Variants in CPQ observed in about 807,000 individuals in gnomAD.
CPQ encodes the protein carboxypeptidase Q.
CPQ carries 37 observed loss-of-function variants against 45.7 expected under a neutral mutation model. The observed-to-expected ratio is 0.81, with a 90% CI of 0.62 to 1.07. The LOEUF is 1.07. CPQ is among the 50% of genes least tolerant of loss of function. The pLI is 0.00. For synonymous variants in CPQ, 186 were observed against 205.8 expected, an observed-to-expected ratio of 0.90 and a Z score of 0.82; for missense variants, 537 against 572.9, an observed-to-expected ratio of 0.94 and a Z score of 0.64.
At chr8:97,114,892 C>T (rs1467570881) in intron 7 of CPQ, among the ~76,000 whole-genome samples, 1 of 152,130 alleles carries the variant, frequency 6.6e-6, no homozygotes, top group African/African-American at 2.4e-5. Context: ...TCCTAAAATC[C>T]ATCTTGTTTC....
intron 3 of CPQ, among the ~76,000 whole-genome samples, chr8:96,853,864 G>A (rs1052769519): frequency 6.6e-6 from 1 of 152,124 alleles, no homozygotes; most frequent in African/African-American, 2.4e-5. Flanking sequence ...CAAAACCAAT[G>A]ATGGTAACGC....
intron 1 of CPQ, among the ~76,000 whole-genome samples, chr8:96,719,410 G>T (rs971454758): frequency 2.0e-5 from 3 of 152,190 alleles, no homozygotes; most frequent in Non-Finnish European, 2.9e-5. Context: ...CGCCCACCCG[G>T]AACTCCAGCT....
intron 1 of CPQ, among the ~76,000 whole-genome samples, chr8:96,764,843 T>C (rs1258638995): frequency 6.6e-6 from 1 of 152,084 alleles, no homozygotes; most frequent in African/African-American, 2.4e-5. Flanking sequence ...CCAAGACAAA[T>C]TGAGAAAGGT....
intron 4 of CPQ, among the ~76,000 whole-genome samples, chr8:96,965,372 C>CTTT (rs5893403): frequency 1.2e-5 from 1 of 80,570 alleles, no homozygotes; most frequent in Non-Finnish European, 2.5e-5. Context: ...AATTTCTTTT[C>CTTT]TTTTTTTTTT....
At chr8:96,845,273 C>A (rs968483238) in intron 3 of CPQ, among the ~76,000 whole-genome samples, 1 of 152,142 alleles carries the variant, frequency 6.6e-6, no homozygotes, top group African/African-American at 2.4e-5. Context: ...ATCTAGTTTT[C>A]AGCATGTACT....
intron 7 of CPQ, among the ~76,000 whole-genome samples, chr8:97,108,981 T>C (rs904581325): frequency 3.3e-5 from 5 of 152,194 alleles, no homozygotes; most frequent in Admixed American, 6.5e-5. Flanking sequence ...TCCCTCAGCA[T>C]AGCTTGTAAC....
At chr8:96,809,934 C>G (rs72682340) in intron 2 of CPQ, among the ~76,000 whole-genome samples, 13,369 of 152,198 alleles carry the variant, frequency 0.088, 746 homozygotes, top group East Asian at 0.18. Flanking sequence ...GCATTACACT[C>G]TAGTGAACAC....
At chr8:96,953,333 GCT>G (rs1813299080) in intron 4 of CPQ, among the ~76,000 whole-genome samples, 1 of 152,078 alleles carries the variant, frequency 6.6e-6, no homozygotes, top group Non-Finnish European at 1.5e-5. Context: ...ATATTTGGCA[GCT>G]TATCCTCTGG....
intron 3 of CPQ, among the ~76,000 whole-genome samples, chr8:96,847,695 A>T (rs1206023613): frequency 2.6e-5 from 4 of 152,134 alleles, no homozygotes; most frequent in African/African-American, 9.7e-5. Flanking sequence ...AGTTATTTTT[A>T]GTTTACAATT....
Position 97,143,045 on chromosome 8 carries a change from C to T in CPQ, c.1281C>T (p.Tyr427=). Residue 427 remains tyrosine, a synonymous_variant, in exon 8 of 8, where the codon TAC becomes TAT. Transcript: ENST00000220763. ...GAGCCAGTCTACTTGATGACTTATA[C>T]AAGTATTTCTTCTTCCATCACTCCC... ...VPGASLLDDL[Y]KYFFFHHSHG... 1.2e-6 allele frequency: 2 copies of T among 1,613,872 alleles called. No homozygotes were observed. Among genetic ancestry groups the T allele is most frequent in the Non-Finnish European group, 1.7e-6 (2 of 1,179,864 alleles).
intron 1 of CPQ, among the ~76,000 whole-genome samples, chr8:96,688,529 T>A (rs969342414): frequency 1.3e-4 from 20 of 152,144 alleles, no homozygotes; most frequent in African/African-American, 4.6e-4. Flanking sequence ...TGTGTGTATT[T>A]TCTGATTTGG....
chr8:97,136,921 T>C (rs552132842), intron 7 of CPQ, among the ~76,000 whole-genome samples: 2 of 151,298 alleles, frequency 1.3e-5, no homozygotes, highest in South Asian at 4.2e-4. Context: ...TCAGGTGCTC[T>C]CAGAAATGGA....
intron 1 of CPQ, among the ~76,000 whole-genome samples, chr8:96,713,039 A>T (rs952225405): frequency 1.3e-5 from 2 of 152,168 alleles, no homozygotes; most frequent in African/African-American, 4.8e-5. Flanking sequence ...GCAAAATGCC[A>T]CCAGTCTCTT....
At chr8:97,064,432 T>C (rs1473247148) in intron 6 of CPQ, among the ~76,000 whole-genome samples, 1 of 152,202 alleles carries the variant, frequency 6.6e-6, no homozygotes, top group Non-Finnish European at 1.5e-5. Context: ...CTAATGATGC[T>C]ACCATAATGC....
intron 1 of CPQ, among the ~76,000 whole-genome samples, chr8:96,712,367 G>A (rs1809617951): frequency 6.6e-6 from 1 of 152,180 alleles, no homozygotes; most frequent in South Asian, 2.1e-4. Flanking sequence ...CTCCAGTGGG[G>A]CCTCTGTGTG....
intron 1 of CPQ, among the ~76,000 whole-genome samples, chr8:96,678,148 G>A (rs560904081): frequency 6.6e-6 from 1 of 151,832 alleles, no homozygotes; most frequent in Non-Finnish European, 1.5e-5. Flanking sequence ...TGCGTTAGCT[G>A]TGAGGCCCCT....
At chr8:96,843,441 A>G (rs1461753289) in intron 3 of CPQ, among the ~76,000 whole-genome samples, 2 of 152,206 alleles carry the variant, frequency 1.3e-5, no homozygotes, top group South Asian at 2.1e-4. Flanking sequence ...AGCTTGATTT[A>G]GTTAATGTCA....
chr8:97,048,714 C>T (rs1459981047), intron 6 of CPQ, among the ~76,000 whole-genome samples: 24 of 152,140 alleles, frequency 1.6e-4, no homozygotes, highest in Admixed American at 1.5e-3. Context: ...CTTAAGCTGC[C>T]AAAGCCTAAT....
intron 6 of CPQ, among the ~76,000 whole-genome samples, chr8:97,032,930 G>A (rs1332996589): frequency 6.6e-6 from 1 of 152,190 alleles, no homozygotes; most frequent in Non-Finnish European, 1.5e-5. Flanking sequence ...ATGGTGTAAA[G>A]GCTGAACAGA....
Sources: gnomAD v4.1 joint callset for allele counts (sites outside exome capture counted in the v4.1 genomes callset) on GRCh38, gnomAD v4.1.1 for gene constraint, MANE v1.5 for transcripts, NCBI Gene and HGNC (gene_info 2026-07-23, HGNC 2026-07-21) for gene names.